CREBRF: variants seen among roughly 807,000 people sequenced by gnomAD.
CREBRF encodes the protein UPF0474 protein C5orf41.
Under a neutral mutation model 66.1 loss-of-function variants are expected in CREBRF, and 5 were observed. The observed-to-expected ratio is 0.08, with a 90% CI of 0.04 to 0.16. The LOEUF (loss-of-function observed/expected upper bound fraction) is 0.16. Ranked by LOEUF, CREBRF falls within the 10% of genes least tolerant of loss-of-function variation. The pLI, the probability that CREBRF is intolerant of heterozygous loss-of-function variation, is 1.00. For synonymous variants in CREBRF, 229 were observed against 264.4 expected, an observed-to-expected ratio of 0.87 and a Z score of 1.30; for missense variants, 531 against 744.9, an observed-to-expected ratio of 0.71 and a Z score of 3.34.
At chr5:173,084,813 G>T (rs1486352335) in intron 2 of CREBRF, among the ~76,000 whole-genome samples, 1 of 151,838 alleles carries the variant, frequency 6.6e-6, no homozygotes, top group Non-Finnish European at 1.5e-5. Flanking sequence ...GGCTAATTTT[G>T]TCTTTGTATT....
At chr5:173,075,019 A>G (rs1000341386) in intron 1 of CREBRF, among the ~76,000 whole-genome samples, 1 of 152,244 alleles carries the variant, frequency 6.6e-6, no homozygotes, top group Non-Finnish European at 1.5e-5. Context: ...AAAGGATCAC[A>G]GATTCTTACA....
At chr5:173,128,155 A>T (rs962106954) in intron 8 of CREBRF, among the ~76,000 whole-genome samples, 1 of 152,148 alleles carries the variant, frequency 6.6e-6, no homozygotes, top group Non-Finnish European at 1.5e-5. Flanking sequence ...AAATTCTGAC[A>T]TAAGTTCTGA....
At chr5:173,105,244 TG>T (rs1758721939) in intron 4 of CREBRF, among the ~76,000 whole-genome samples, 1 of 151,992 alleles carries the variant, frequency 6.6e-6, no homozygotes, top group East Asian at 1.9e-4. Flanking sequence ...TGTGTGTGTG[TG>T]TGTGTGTGTG....
chr5:173,106,011 A>G (rs763868488), intron 4 of CREBRF, among the ~76,000 whole-genome samples: 36 of 152,330 alleles, frequency 2.4e-4, no homozygotes, highest in South Asian at 8.3e-4. Flanking sequence ...AATAAATCCT[A>G]TCATTTGAAA....
intron 4 of CREBRF, among the ~76,000 whole-genome samples, chr5:173,101,947 A>G (rs552459314): frequency 6.6e-6 from 1 of 152,258 alleles, no homozygotes; most frequent in African/African-American, 2.4e-5. Context: ...ATGGTGTCCT[A>G]TAAATCCTGT....
intron 7 of CREBRF, among the ~76,000 whole-genome samples, chr5:173,113,865 A>G (rs1758924569): frequency 6.6e-6 from 1 of 152,174 alleles, no homozygotes; most frequent in African/African-American, 2.4e-5. Flanking sequence ...ATCTTCTGTG[A>G]TAAGAACACC....
intron 8 of CREBRF, among the ~76,000 whole-genome samples, chr5:173,131,546 G>C (rs1399205193): frequency 6.6e-6 from 1 of 152,002 alleles, no homozygotes; most frequent in East Asian, 1.9e-4. Flanking sequence ...GGATTTATCT[G>C]TTTCCTCATG....
intron 8 of CREBRF, among the ~76,000 whole-genome samples, chr5:173,128,652 T>C (rs72816149): frequency 0.038 from 5,737 of 152,204 alleles, 139 homozygotes; most frequent in South Asian, 0.092. Flanking sequence ...TTGTCTGGTA[T>C]TATCACGAAT....
chr5:173,105,124 G>A (rs892806571), intron 4 of CREBRF, among the ~76,000 whole-genome samples: 2 of 152,114 alleles, frequency 1.3e-5, no homozygotes, highest in African/African-American at 4.8e-5. Flanking sequence ...TAGGGACAGT[G>A]ATTTGCCAGA....
chr5:173,098,568 T>C (rs1758535517), intron 4 of CREBRF, among the ~76,000 whole-genome samples: 1 of 152,216 alleles, frequency 6.6e-6, no homozygotes, highest in African/African-American at 2.4e-5. Context: ...GAAAAGAGTA[T>C]ATATTCTGCT....
At position 173,062,874 on chromosome 5, in the gene CREBRF, A is replaced by G. The variant is rs1335028191; in HGVS notation, c.-192+6395A>G. On this transcript the variant is annotated intron_variant, in intron 1 of 8. Coordinates refer to ENST00000296953, the MANE Select transcript of CREBRF (RefSeq NM_153607.3). ...GCCATTCTCCTGCCTCAGCCTCCCA[A>G]GTAGCTGGGACTACAGGCGCCCGCC... Among the ~76,000 whole-genome samples the G allele has an allele frequency of 4.6e-5, 7 of 150,662 alleles. No individual in the cohort carries two copies. The East Asian group carries it at 1.4e-3, about 29-fold the overall frequency.
At chr5:173,085,413 C>CTTTTTTTTTTTTT in intron 2 of CREBRF, 1 of 725,160 alleles carries the variant, frequency 1.4e-6, no homozygotes, top group Non-Finnish European at 2.2e-6. Context: ...CAAATACATT[C>CTTTTTTTTTTTTT]TTTTTTTTTT....
chr5:173,125,104 G>C (rs1172495117), intron 8 of CREBRF, among the ~76,000 whole-genome samples: 3 of 151,856 alleles, frequency 2.0e-5, no homozygotes, highest in Non-Finnish European at 4.4e-5. Flanking sequence ...TTTTTTAGTA[G>C]AGGTGGGGTT....
At chr5:173,109,019 G>A (rs1237098057) in intron 5 of CREBRF, 1 of 532,596 alleles carries the variant, frequency 1.9e-6, no homozygotes, top group Admixed American at 3.7e-5. Flanking sequence ...TCACCTAAGT[G>A]GAGAGGAAGG....
At chr5:173,129,125 T>C (rs1386054214) in intron 8 of CREBRF, among the ~76,000 whole-genome samples, 1 of 112,676 alleles carries the variant, frequency 8.9e-6, no homozygotes, top group African/African-American at 3.5e-5. Context: ...TTTTTTTTTT[T>C]TTTTTTTTTG....
chr5:173,059,171 C>G (rs890442789), intron 1 of CREBRF, among the ~76,000 whole-genome samples: 1 of 151,732 alleles, frequency 6.6e-6, no homozygotes, highest in Admixed American at 6.6e-5. Context: ...AAAACGTAAT[C>G]CCTGATTATT....
At chr5:173,060,944 G>T (rs1453979884) in intron 1 of CREBRF, among the ~76,000 whole-genome samples, 2 of 152,124 alleles carry the variant, frequency 1.3e-5, no homozygotes, top group African/African-American at 4.8e-5. Flanking sequence ...AGCCCCTGTT[G>T]TAAGACATCA....
At chr5:173,082,506 G>A (rs2412) in intron 2 of CREBRF, among the ~76,000 whole-genome samples, 99,409 of 151,482 alleles carry the variant, frequency 0.66, 33,096 homozygotes, top group African/African-American at 0.7. Context: ...TGAAAAGTCC[G>A]GTTTGTGAAA....
chr5:173,132,690 C>A (rs188764836), intron 8 of CREBRF, among the ~76,000 whole-genome samples: 4 of 147,076 alleles, frequency 2.7e-5, no homozygotes, highest in Non-Finnish European at 6.0e-5. Flanking sequence ...ACCTCCACCC[C>A]CCGGGTTCAA....
Sources: allele counts gnomAD v4.1 joint callset (sites outside exome capture counted in the v4.1 genomes callset), GRCh38; gene constraint gnomAD v4.1.1; transcripts MANE v1.5; gene names NCBI Gene and HGNC (gene_info 2026-07-23, HGNC 2026-07-21).